BMAL2: variants seen among roughly 807,000 people sequenced by gnomAD.
BMAL2 encodes basic helix-loop-helix ARNT like 2.
the BMAL2 span, among the ~76,000 whole-genome samples, chr12:27,347,365 G>A: frequency 1.3e-5 from 2 of 152,164 alleles, no homozygotes; most frequent in Admixed American, 6.5e-5. Flanking sequence ...CATACCACCA[G>A]AGGCATTCAA....
chr12:27,380,126 C>G, the BMAL2 span: 2 of 952,426 alleles, frequency 2.1e-6, no homozygotes, highest in Admixed American at 2.5e-5. Context: ...CTGCAGGGCC[C>G]AAGTGGGGAG....
At chr12:27,382,256 G>A in the BMAL2 span, among the ~76,000 whole-genome samples, 1 of 152,206 alleles carries the variant, frequency 6.6e-6, no homozygotes, top group East Asian at 1.9e-4. Flanking sequence ...AGTGTCCTAA[G>A]GGAGGAAGAC....
the BMAL2 span, among the ~76,000 whole-genome samples, chr12:27,386,717 C>T: frequency 1.3e-5 from 2 of 152,256 alleles, no homozygotes; most frequent in Admixed American, 1.3e-4. Flanking sequence ...GCACCCTCCA[C>T]CTCCCGGGCT....
At chr12:27,379,807 GT>G in the BMAL2 span, among the ~76,000 whole-genome samples, 50 of 148,878 alleles carry the variant, frequency 3.4e-4, no homozygotes, top group Non-Finnish European at 6.0e-5. Flanking sequence ...TAGTGAAAGG[GT>G]TTTTTTTTTC....
chr12:27,376,247 A>T, the BMAL2 span: 7 of 1,053,494 alleles, frequency 6.6e-6, no homozygotes, highest in Non-Finnish European at 1.0e-5. Flanking sequence ...TATAGGAATT[A>T]GGATGATTGA....
chr12:27,411,634 A>G, the BMAL2 span, among the ~76,000 whole-genome samples: 1 of 152,038 alleles, frequency 6.6e-6, no homozygotes, highest in South Asian at 2.1e-4. Flanking sequence ...GGCCATTTGT[A>G]TATTTTCTTT....
the BMAL2 span, among the ~76,000 whole-genome samples, chr12:27,354,343 C>G: frequency 6.0e-4 from 91 of 151,948 alleles, no homozygotes; most frequent in Non-Finnish European, 1.1e-3. Context: ...TGTATGTTCT[C>G]AGTTATTAGT....
the BMAL2 span, among the ~76,000 whole-genome samples, chr12:27,346,391 G>A: frequency 1.3e-5 from 2 of 152,146 alleles, no homozygotes; most frequent in African/African-American, 4.8e-5. Flanking sequence ...CTCCTGAGTA[G>A]CTGGGACTAC....
At chr12:27,373,039 A>G in the BMAL2 span, among the ~76,000 whole-genome samples, 1 of 152,168 alleles carries the variant, frequency 6.6e-6, no homozygotes, top group African/African-American at 2.4e-5. Flanking sequence ...CAGTCTTACA[A>G]TTTTCAAAGA....
At chr12:27,368,776 G>A in the BMAL2 span, among the ~76,000 whole-genome samples, 1 of 152,124 alleles carries the variant, frequency 6.6e-6, no homozygotes, top group Non-Finnish European at 1.5e-5. Context: ...CACCTTACTC[G>A]TCATGTATAG....
At chr12:27,400,899 T>A in the BMAL2 span, 1 of 924,302 alleles carries the variant, frequency 1.1e-6, no homozygotes, top group Non-Finnish European at 1.6e-6. Flanking sequence ...AAATAAAGTT[T>A]AAATGAAATA....
the BMAL2 span, among the ~76,000 whole-genome samples, chr12:27,416,398 G>A: frequency 5.5e-4 from 82 of 147,950 alleles, no homozygotes; most frequent in Admixed American, 5.4e-3. Flanking sequence ...TTGAGGTTTG[G>A]AAAAAAAAAG....
chr12:27,410,526 A>G, the BMAL2 span, among the ~76,000 whole-genome samples: 13 of 152,150 alleles, frequency 8.5e-5, no homozygotes, highest in African/African-American at 2.9e-4. Context: ...GTTCTCACTC[A>G]TAGGTGGGAA....
the BMAL2 span, among the ~76,000 whole-genome samples, chr12:27,417,545 T>C: frequency 6.6e-6 from 1 of 152,164 alleles, no homozygotes; most frequent in African/African-American, 2.4e-5. Flanking sequence ...CTCAGATTTA[T>C]GATGTGTAAT....
chr12:27,372,774 C>T, the BMAL2 span, among the ~76,000 whole-genome samples: 5 of 152,030 alleles, frequency 3.3e-5, no homozygotes, highest in Admixed American at 6.6e-5. Flanking sequence ...CCTGAGTTCA[C>T]GCCATTCTCC....
chr12:27,405,279 T>G, the BMAL2 span, among the ~76,000 whole-genome samples: 63 of 152,316 alleles, frequency 4.1e-4, no homozygotes, highest in African/African-American at 1.5e-3. Context: ...GCTGGAGATC[T>G]GAGAATGGAC....
the BMAL2 span, among the ~76,000 whole-genome samples, chr12:27,357,972 A>G: frequency 2.0e-5 from 3 of 152,158 alleles, no homozygotes; most frequent in African/African-American, 7.2e-5. Context: ...CAAGACCAAG[A>G]ACCCAGAAGC....
the BMAL2 span, chr12:27,370,129 G>T: frequency 6.2e-7 from 1 of 1,613,170 alleles, no homozygotes; most frequent in Non-Finnish European, 8.5e-7. Flanking sequence ...TTCCTTCCAG[G>T]TCAGGAATCA....
At chr12:27,377,000 CA>C in the BMAL2 span, among the ~76,000 whole-genome samples, 11,378 of 91,312 alleles carry the variant, frequency 0.12, 292 homozygotes, top group African/African-American at 0.25. Context: ...AACTCCGTCT[CA>C]AAAAAAAAAA....
Sources: allele counts gnomAD v4.1 joint callset (sites outside exome capture counted in the v4.1 genomes callset), GRCh38; gene constraint gnomAD v4.1.1; transcripts MANE v1.5; gene names NCBI Gene and HGNC (gene_info 2026-07-23, HGNC 2026-07-21).